ABCA1: variants seen among roughly 807,000 people sequenced by gnomAD.
The protein encoded by ABCA1 is phospholipid-transporting ATPase ABCA1.
In ABCA1, 133 loss-of-function variants were observed where a neutral mutation model predicts 262.5. That is an observed-to-expected ratio of 0.51 (90% CI 0.44 to 0.59). The LOEUF (loss-of-function observed/expected upper bound fraction) is 0.59. ABCA1 is among the 20% of genes least tolerant of loss of function. ABCA1 has a pLI of 0.00. For synonymous variants in ABCA1, 1,022 were observed against 1,043.5 expected, an observed-to-expected ratio of 0.98 and a Z score of 0.40; for missense variants, 2,452 against 2,777.5, an observed-to-expected ratio of 0.88 and a Z score of 2.63.
intron 11 of ABCA1, among the ~76,000 whole-genome samples, chr9:104,835,441 A>G (rs2482418): frequency 0.49 from 73,596 of 151,738 alleles, 20,907 homozygotes; most frequent in East Asian, 0.79. Flanking sequence ...ATCGAGACTC[A>G]CTTTGATGCC....
chr9:104,921,695 T>C (rs559843767), intron 1 of ABCA1, among the ~76,000 whole-genome samples: 1 of 152,354 alleles, frequency 6.6e-6, no homozygotes, highest in Admixed American at 6.5e-5. Context: ...AGTAGTCTTT[T>C]AGAAGACAGG....
At chr9:104,901,213 T>C (rs2118417456) in intron 2 of ABCA1, among the ~76,000 whole-genome samples, 1 of 152,150 alleles carries the variant, frequency 6.6e-6, no homozygotes, top group South Asian at 2.1e-4. Context: ...AAAATAAAAA[T>C]AGTTTGGAGG....
At chr9:104,882,896 G>A (rs932052213) in intron 5 of ABCA1, 143 bp downstream of exon 5, 10 of 844,044 alleles carry the variant, frequency 1.2e-5, no homozygotes, top group Admixed American at 1.1e-4. Flanking sequence ...TCCTGGAGAG[G>A]GGCCCCACAG....
In ABCA1 at chr9:104,831,088, C is replaced by CAGGGAA. The variant is rs1281568767; in HGVS notation, c.1728_1729insTTCCCT (p.Pro576_Gly577insPhePro). 6.2e-7 allele frequency: 1 copy of CAGGGAA among 1,609,938 alleles called. No individual in the cohort carries two copies. The highest frequency in any genetic ancestry group is 1.1e-5 in the South Asian group (1 of 90,952). On this transcript the variant is annotated inframe_insertion, in exon 14 of 50. Coordinates refer to ENST00000374736, the MANE Select transcript of ABCA1 (RefSeq NM_005502.4). ...TCCTCAAAGGGGTCAGCTCGAGGACCAGGGTCCCAGTACCTAAAACCAAAC... is the reference window on the plus strand; with the variant it reads ...TCCTCAAAGGGGTCAGCTCGAGGACCAGGGAAAGGGTCCCAGTACCTAAAACCAAAC...
At position 104,840,300 on chromosome 9, in the gene ABCA1, T is replaced by G. The variant is rs1270302198; in HGVS notation, c.1033A>C (p.Thr345Pro). ...TCACTTGTAGAGTTGTCATAGAAGG[T>G]TTCAGCATCTTCCTCAGTGCCATTG... is the stretch of plus-strand genomic sequence containing the variant. ...GGNGTEEDAE[T>P]FYDNSTTPYC... is the part of the protein sequence containing the mutation. The change falls in exon 9 of 50, where the codon ACC becomes CCC. Residue 345 changes from threonine (T) to proline (P), a missense_variant. Physicochemically the swap from Thr to Pro is conservative, Grantham distance 38. Transcript: ENST00000374736. 1.9e-6 allele frequency: 3 copies of G among 1,613,744 alleles called. No homozygotes were observed. Among genetic ancestry groups the G allele is most frequent in the Non-Finnish European group, 2.5e-6 (3 of 1,179,974 alleles).
At chr9:104,917,273 G>C (rs894625572) in intron 1 of ABCA1, among the ~76,000 whole-genome samples, 11 of 152,094 alleles carry the variant, frequency 7.2e-5, no homozygotes, top group Non-Finnish European at 1.3e-4. Context: ...CTGAAATATG[G>C]GGCTAATATA....
chr9:104,852,743 G>T (rs996848910), intron 7 of ABCA1, among the ~76,000 whole-genome samples: 1 of 152,172 alleles, frequency 6.6e-6, no homozygotes, highest in Admixed American at 6.5e-5. Context: ...TGCTTGCTGG[G>T]AGAAAGCAAG....
chr9:104,873,401 T>C (rs150006669), intron 5 of ABCA1, among the ~76,000 whole-genome samples: 236 of 152,344 alleles, frequency 1.5e-3, no homozygotes, highest in African/African-American at 5.5e-3. Context: ...ATGTTCTTTC[T>C]AGATGGGCCT....
intron 9 of ABCA1, among the ~76,000 whole-genome samples, chr9:104,838,768 T>C (rs1405604676): frequency 6.6e-6 from 1 of 152,032 alleles, no homozygotes; most frequent in African/African-American, 2.4e-5. Context: ...TTTTCAGGGA[T>C]TTTTAGATAC....
intron 1 of ABCA1, among the ~76,000 whole-genome samples, chr9:104,921,976 T>C (rs1842159707): frequency 6.6e-6 from 1 of 151,944 alleles, no homozygotes; most frequent in Non-Finnish European, 1.5e-5. Flanking sequence ...TGGGAAGGAG[T>C]GGATCCAGAA....
chr9:104,846,525 T>G (rs1172431401), intron 7 of ABCA1, among the ~76,000 whole-genome samples: 1 of 152,222 alleles, frequency 6.6e-6, no homozygotes, highest in Non-Finnish European at 1.5e-5. Context: ...CAAGAAAATG[T>G]CTAGAAGTGG....
At chr9:104,791,396 C>G (rs1381288186) in intron 43 of ABCA1, among the ~76,000 whole-genome samples, 1 of 152,150 alleles carries the variant, frequency 6.6e-6, no homozygotes, top group Admixed American at 6.5e-5. Context: ...TCATCACCAT[C>G]CCAAATGGAT....
At position 104,843,342 on chromosome 9, in the gene ABCA1, C is replaced by G. The variant is rs543853102; in HGVS notation, c.813+2135G>C. 2.0e-5 allele frequency among the ~76,000 whole-genome samples: 3 copies of G among 152,324 alleles called. No homozygotes were observed. In the East Asian group the frequency reaches 5.8e-4, roughly 29 times the overall value. On this transcript the variant is annotated intron_variant, in intron 8 of 49. Coordinates refer to ENST00000374736, the MANE Select transcript of ABCA1 (RefSeq NM_005502.4). ...CTCCCTGTCCTCCCTTCCCATCACC[C>G]AGATGTGAAACTCAGGTCAGCTTTC...
rs1260761006 is a variant in ABCA1 at position 104,827,039 on chromosome 9, C to G, written c.2246G>C (p.Cys749Ser). ...LFSRANLAAACGGIIYFTLYL... is the reference protein window; with the variant it reads ...LFSRANLAAASGGIIYFTLYL... ...CAGCGTGAAGTAGATGATGCCCCCA[C>G]AGGCTGCTGCCAGGTTGGCTCTGGA... The change falls in exon 16 of 50, where the codon TGT (cysteine) becomes TCT (serine). Residue 749 changes from cysteine (C) to serine (S), a missense_variant. Coordinates refer to ENST00000374736, the MANE Select transcript of ABCA1 (RefSeq NM_005502.4). 6.2e-7 allele frequency: 1 copy of G among 1,614,098 alleles called. No individual in the cohort carries two copies. The highest frequency in any genetic ancestry group is 1.3e-5 in the African/African-American group (1 of 74,936).
chr9:104,801,116 T>TA (rs72121018), intron 34 of ABCA1, among the ~76,000 whole-genome samples: 4 of 145,408 alleles, frequency 2.8e-5, no homozygotes, highest in Admixed American at 6.8e-5. Flanking sequence ...CTTGCCAGCT[T>TA]AAAAAAAAAA....
intron 29 of ABCA1, 129 bp downstream of exon 29, chr9:104,810,671 C>T (rs998430637): frequency 5.1e-5 from 73 of 1,436,008 alleles, no homozygotes; most frequent in Admixed American, 4.2e-4. Context: ...TTAGCTTATA[C>T]AGGGACCTGA....
At chr9:104,876,249 A>G (rs1299146999) in intron 5 of ABCA1, among the ~76,000 whole-genome samples, 1 of 152,170 alleles carries the variant, frequency 6.6e-6, no homozygotes, top group Non-Finnish European at 1.5e-5. Flanking sequence ...GGGACTGGCT[A>G]TGGGGGATGT....
In ABCA1 at chr9:104,837,156, C is replaced by A. The variant is rs576698017; in HGVS notation, c.1195-60G>T. On this transcript the variant is annotated intron_variant, in intron 10 of 49. Transcript: ENST00000374736. ...AAGGAGGAGAAGCACAGACAATGAGCGTTTGGCTCCTCCCTGAAAAGATAC... is the reference window on the plus strand; with the variant it reads ...AAGGAGGAGAAGCACAGACAATGAGAGTTTGGCTCCTCCCTGAAAAGATAC... The A allele has an allele frequency of 2.6e-4, 356 of 1,354,842 alleles. 1 individual carries two copies. The highest frequency in any genetic ancestry group is 5.2e-4 in the Admixed American group (29 of 55,970). The allele number at this position is 1,354,842 out of a possible 1,614,324, so 83.9% of individuals were successfully genotyped here.
chr9:104,830,520 T>C (rs1462416544), intron 14 of ABCA1, among the ~76,000 whole-genome samples: 2 of 151,780 alleles, frequency 1.3e-5, no homozygotes, highest in Non-Finnish European at 2.9e-5. Context: ...TGAAACCTCG[T>C]CTCTACTAAA....
Sources: gnomAD v4.1 joint callset for allele counts (sites outside exome capture counted in the v4.1 genomes callset) on GRCh38, gnomAD v4.1.1 for gene constraint, MANE v1.5 for transcripts, NCBI Gene and HGNC (gene_info 2026-07-23, HGNC 2026-07-21) for gene names.